The following PTBP3 variants were observed in gnomAD, a reference collection of about 807,000 sequenced individuals.
PTBP3 encodes the protein polypyrimidine tract-binding protein 3.
Under a neutral mutation model 58.7 loss-of-function variants are expected in PTBP3, and 20 were observed. That is an observed-to-expected ratio of 0.34 (90% CI 0.24 to 0.50). PTBP3 has a LOEUF of 0.50. PTBP3 is among the 20% of genes least tolerant of loss of function. PTBP3 has a pLI of 0.98. For synonymous variants in PTBP3, 185 were observed against 219.8 expected, an observed-to-expected ratio of 0.84 and a Z score of 1.40; for missense variants, 509 against 637.2, an observed-to-expected ratio of 0.80 and a Z score of 2.17.
chr9:112,237,659 G>A (rs1367227033), intron 7 of PTBP3, among the ~76,000 whole-genome samples: 4 of 152,188 alleles, frequency 2.6e-5, no homozygotes, highest in African/African-American at 9.7e-5. Flanking sequence ...CTAACCCTGT[G>A]ACACTGAGCT....
At chr9:112,309,663 C>T (rs1829392841) in intron 1 of PTBP3, among the ~76,000 whole-genome samples, 1 of 151,910 alleles carries the variant, frequency 6.6e-6, no homozygotes, top group African/African-American at 2.4e-5. Context: ...TGGTGGACGC[C>T]TGTAATCCCA....
intron 4 of PTBP3, among the ~76,000 whole-genome samples, chr9:112,265,160 G>T (rs2132142781): frequency 9.8e-6 from 1 of 102,022 alleles, no homozygotes; most frequent in Middle Eastern, 4.0e-3. Context: ...ATATTAATCA[G>T]TTAATTTCTG....
At chr9:112,306,038 C>T (rs1829186706) in intron 1 of PTBP3, among the ~76,000 whole-genome samples, 1 of 152,170 alleles carries the variant, frequency 6.6e-6, no homozygotes, top group African/African-American at 2.4e-5. Context: ...TTCGGGAATC[C>T]CCTACACTTG....
intron 7 of PTBP3, among the ~76,000 whole-genome samples, chr9:112,239,408 T>A (rs927433400): frequency 6.6e-6 from 1 of 151,988 alleles, no homozygotes; most frequent in Non-Finnish European, 1.5e-5. Flanking sequence ...ATAAGTTAAT[T>A]GTATGGCATG....
the PTBP3 span, among the ~76,000 whole-genome samples, chr9:112,376,326 T>G: frequency 7.2e-6 from 1 of 137,974 alleles, no homozygotes; most frequent in Non-Finnish European, 1.5e-5. Context: ...TGGTCTCCGC[T>G]CACTGCAACC....
the PTBP3 span, among the ~76,000 whole-genome samples, chr9:112,349,587 G>A: frequency 2.6e-5 from 4 of 151,928 alleles, no homozygotes; most frequent in Non-Finnish European, 4.4e-5. Flanking sequence ...TACCAGGCGC[G>A]GTGGCTCACA....
intron 1 of PTBP3, chr9:112,333,178 C>T: frequency 1.7e-6 from 2 of 1,147,358 alleles, no homozygotes; most frequent in South Asian, 3.3e-5. Flanking sequence ...ACCTCGGCAC[C>T]GCGGCCGGAC....
Position 112,221,223 on chromosome 9 carries a change from A to G in PTBP3, c.*2628T>C. 1.0e-6 allele frequency: 1 copy of G among 985,082 alleles called. No homozygotes were observed. Among genetic ancestry groups the G allele is most frequent in the Non-Finnish European group, 1.2e-6 (1 of 829,246 alleles). 61.0% of individuals were successfully genotyped at this position (985,082 alleles called of 1,614,324 possible). ...TAAAATGTATGTAATGTGCATATGT[A>G]TATACAACTTTAGAAGAGTGTATTT... On this transcript the variant is annotated 3_prime_UTR_variant, in exon 14 of 14. Transcript: ENST00000374257.
chr9:112,265,988 G>A (rs1286396970), intron 4 of PTBP3, among the ~76,000 whole-genome samples: 1 of 152,148 alleles, frequency 6.6e-6, no homozygotes, highest in Non-Finnish European at 1.5e-5. Context: ...AGATCTTTCT[G>A]AGCATGGTAC....
At chr9:112,284,123 C>CAT (rs138069150) in intron 2 of PTBP3, among the ~76,000 whole-genome samples, 81,863 of 152,012 alleles carry the variant, frequency 0.54, 23,229 homozygotes, top group African/African-American at 0.73. Context: ...GGAGCCCGTA[C>CAT]ATATAGTCCC....
chr9:112,295,479 C>T (rs185071898), intron 2 of PTBP3, among the ~76,000 whole-genome samples: 12 of 150,126 alleles, frequency 8.0e-5, no homozygotes, highest in Non-Finnish European at 1.3e-4. Context: ...TTTCATATTA[C>T]ACTTCCACTT....
At chr9:112,248,933 G>C (rs1564404138) in intron 7 of PTBP3, among the ~76,000 whole-genome samples, 1 of 152,160 alleles carries the variant, frequency 6.6e-6, no homozygotes, top group Non-Finnish European at 1.5e-5. Context: ...ACCGTACTGA[G>C]AATGAATGAG....
chr9:112,245,198 C>A (rs1403182138), intron 7 of PTBP3, among the ~76,000 whole-genome samples: 1 of 152,186 alleles, frequency 6.6e-6, no homozygotes, highest in Non-Finnish European at 1.5e-5. Flanking sequence ...GTAGTCCCAG[C>A]TACTCGCAGG....
At chr9:112,275,394 C>T (rs1046744435) in intron 3 of PTBP3, among the ~76,000 whole-genome samples, 2 of 152,158 alleles carry the variant, frequency 1.3e-5, no homozygotes, top group African/African-American at 4.8e-5. Flanking sequence ...CTCGGCCTCC[C>T]AAAGTGCTGG....
chr9:112,347,339 A>G, the PTBP3 span, among the ~76,000 whole-genome samples: 1 of 122,642 alleles, frequency 8.2e-6, no homozygotes, highest in East Asian at 2.2e-4. Context: ...GTACTGGGAT[A>G]CCTTTTTTTT....
intron 1 of PTBP3, among the ~76,000 whole-genome samples, chr9:112,311,353 A>G (rs914494997): frequency 2.6e-5 from 4 of 152,212 alleles, no homozygotes; most frequent in African/African-American, 9.7e-5. Context: ...ATACAGCATA[A>G]CAACTATTTA....
intron 2 of PTBP3, among the ~76,000 whole-genome samples, chr9:112,292,279 A>C (rs1303352763): frequency 6.6e-6 from 1 of 152,190 alleles, no homozygotes; most frequent in Non-Finnish European, 1.5e-5. Flanking sequence ...AAACCCAAAA[A>C]ATAAGTATTC....
intron 4 of PTBP3, among the ~76,000 whole-genome samples, chr9:112,264,613 T>C (rs1836725172): frequency 6.6e-6 from 1 of 152,250 alleles, no homozygotes; most frequent in Non-Finnish European, 1.5e-5. Context: ...ACTACAGTAC[T>C]TTAAAAATAT....
At position 112,249,416 on chromosome 9, in the gene PTBP3, G is replaced by A. The variant is rs551671728; in HGVS notation, c.802+1513C>T. 3.1e-4 allele frequency among the ~76,000 whole-genome samples: 47 copies of A among 152,200 alleles called. 1 individual carries two copies. The highest frequency in any genetic ancestry group is 9.9e-4 in the African/African-American group (41 of 41,550). ...AAACTGTAAAGAGAAACCTTTAAAA[G>A]AGAAAGAACAGCCAGTGAAGTAGGA... On this transcript the variant is annotated intron_variant, in intron 7 of 13. Transcript: ENST00000374257.
Sources: gnomAD v4.1 joint callset for allele counts (sites outside exome capture counted in the v4.1 genomes callset) on GRCh38, gnomAD v4.1.1 for gene constraint, MANE v1.5 for transcripts, NCBI Gene and HGNC (gene_info 2026-07-23, HGNC 2026-07-21) for gene names.